STAB2: variants seen among roughly 807,000 people sequenced by gnomAD.
STAB2 encodes the protein stabilin-2.
In STAB2, 288 loss-of-function variants were observed where a neutral mutation model predicts 338.1. The ratio of observed to expected loss-of-function variants is 0.85; its 90% CI spans 0.77 to 0.94. The LOEUF is 0.94. Among genes scored for constraint, STAB2 ranks in the 40% least tolerant of loss-of-function variants. The probability of loss-of-function intolerance (pLI) is 0.00; values close to 1 mark genes in which losing one functional copy is unlikely to be tolerated. For missense variants in STAB2, 3,141 were observed against 3,210.1 expected (o/e 0.98, Z 0.52); for synonymous variants, 1,202 against 1,193.3 (o/e 1.01, Z -0.15).
chr12:103,742,300 T>A lies in STAB2; in HGVS notation c.5882-105T>A, dbSNP rs1230560130. 4 of 1,462,634 alleles carry A rather than the reference T, an allele frequency of 2.7e-6. No homozygotes were observed. The African/African-American group carries it at 4.2e-5, about 15-fold the overall frequency. The allele number at this position is 1,462,634 out of a possible 1,614,324, so 90.6% of individuals were successfully genotyped here. On this transcript the variant is annotated intron_variant, in intron 55 of 68. Transcript: ENST00000388887. Reference sequence around the variant, plus strand: ...TATCCACTGACACTGAAGGCGATGGTCCCTCTGGGCTAACAGAAGTCAGAT... The same window carrying A: ...TATCCACTGACACTGAAGGCGATGGACCCTCTGGGCTAACAGAAGTCAGAT...
intron 36 of STAB2, among the ~76,000 whole-genome samples, chr12:103,705,258 T>C (rs1158152829): frequency 1.3e-5 from 2 of 152,242 alleles, no homozygotes; most frequent in African/African-American, 4.8e-5. Context: ...GCCTTAATCC[T>C]TTCCTGGACC....
intron 14 of STAB2, 60 bp downstream of exon 14, chr12:103,655,367 A>G: frequency 6.2e-7 from 1 of 1,603,414 alleles, no homozygotes; most frequent in Non-Finnish European, 8.5e-7. Flanking sequence ...TAAAATTAGC[A>G]GGGGTGTCAA....
chr12:103,654,970 T>C, intron 13 of STAB2: 1 of 547,666 alleles, frequency 1.8e-6, no homozygotes, highest in Non-Finnish European at 3.1e-6. Flanking sequence ...CCATGACCAA[T>C]CATCATGAAA....
rs145165542 is a variant in STAB2 at position 103,742,466 on chromosome 12, G to A, written c.5943G>A (p.Ser1981=). ...GGGGTGTCTGCCTTGATCAGTACTC[G>A]GCCACCGGAGAGTGTAAATGCAACA... ...NNRGVCLDQY[S]ATGECKCNTG... is the part of the protein sequence containing the mutation. The change falls in exon 56 of 69, where the codon TCG becomes TCA. Residue 1981 remains serine, a synonymous_variant. Transcript: ENST00000388887. The A allele has an allele frequency of 3.5e-5, 56 of 1,613,958 alleles. No individual in the cohort carries two copies. The highest frequency in any genetic ancestry group is 1.2e-4 in the African/African-American group (9 of 74,882).
chr12:103,679,691 G>A (rs1222667328), intron 25 of STAB2, among the ~76,000 whole-genome samples: 1 of 152,106 alleles, frequency 6.6e-6, no homozygotes, highest in African/African-American at 2.4e-5. Flanking sequence ...GTGTAAAATG[G>A]TACAGCTGCT....
chr12:103,667,501 A>G (rs940072583), intron 19 of STAB2, among the ~76,000 whole-genome samples: 1 of 152,228 alleles, frequency 6.6e-6, no homozygotes, highest in Non-Finnish European at 1.5e-5. Context: ...TACATGTTTA[A>G]TCACCATTCT....
chr12:103,763,354 G>GA, intron 67 of STAB2, 138 bp from the exon 68 acceptor site: 1 of 676,156 alleles, frequency 1.5e-6, no homozygotes, highest in Admixed American at 2.3e-5. Flanking sequence ...TATTATATGT[G>GA]AATCATCTCT....
intron 9 of STAB2, among the ~76,000 whole-genome samples, chr12:103,645,864 T>A (rs1246253501): frequency 6.9e-6 from 1 of 144,276 alleles, no homozygotes; most frequent in Non-Finnish European, 1.5e-5. Flanking sequence ...CTCTAGACAT[T>A]GCCAAATGGC....
chr12:103,650,250 T>C (rs1004091357), intron 10 of STAB2, among the ~76,000 whole-genome samples: 2 of 151,962 alleles, frequency 1.3e-5, no homozygotes, highest in Middle Eastern at 3.2e-3. Flanking sequence ...CAGGGTATCT[T>C]TGAAGCTGAG....
At chr12:103,679,680 AG>A (rs1876722391) in intron 25 of STAB2, among the ~76,000 whole-genome samples, 1 of 152,210 alleles carries the variant, frequency 6.6e-6, no homozygotes, top group African/African-American at 2.4e-5. Flanking sequence ...TACTTGTGGA[AG>A]TGTAAAATGG....
rs139925581 is a variant in STAB2 at position 103,648,752 on chromosome 12, G to A, written c.1103G>A (p.Arg368Gln). 5.8e-5 allele frequency: 93 copies of A among 1,614,112 alleles called. No individual in the cohort carries two copies. The highest frequency in any genetic ancestry group is 1.8e-4 in the East Asian group (8 of 44,886). ...GLTCYGNIMERLRELNTEPRG... is the reference protein window; with the variant it reads ...GLTCYGNIMEQLRELNTEPRG... ...ACGTGTTATGGAAACATTATGGAGC[G>A]ACTCAGAGAATTAAATACTGAACCC... The change falls in exon 10 of 69, where the codon CGA (arginine) becomes CAA (glutamine). Residue 368 changes from arginine to glutamine, a missense_variant. Physicochemically the swap from Arg to Gln is conservative, Grantham distance 43 (BLOSUM62 1). Transcript: ENST00000388887.
intron 2 of STAB2, 80 bp downstream of exon 2, chr12:103,591,110 A>G (rs1956791493): frequency 6.3e-7 from 1 of 1,586,002 alleles, no homozygotes; most frequent in Non-Finnish European, 8.6e-7. Flanking sequence ...AAGCATTTCC[A>G]TGACTTTTCT....
chr12:103,737,612 T>A, intron 52 of STAB2, 22 bp from the exon 53 acceptor site: 1 of 1,469,294 alleles, frequency 6.8e-7, no homozygotes, highest in Non-Finnish European at 9.0e-7. Flanking sequence ...TTCTCTTTTT[T>A]TTTTTTTTTT....
intron 33 of STAB2, among the ~76,000 whole-genome samples, chr12:103,696,654 C>G (rs1294898298): frequency 6.6e-6 from 1 of 152,088 alleles, no homozygotes; most frequent in Non-Finnish European, 1.5e-5. Flanking sequence ...TGTTAGGAAT[C>G]AGGGAAAATA....
Position 103,693,177 on chromosome 12 carries a change from G to T in STAB2, c.3375+288G>T, listed in dbSNP as rs146421067. Among the ~76,000 whole-genome samples the T allele has an allele frequency of 9.3e-4, 141 of 152,306 alleles. 1 individual carries two copies. The highest frequency in any genetic ancestry group is 3.2e-3 in the African/African-American group (133 of 41,574). ...ACATCTCAAAAGACACTTGAGGCCA[G>T]GTGCTGTGGCTCACGCCTATAATCC... On this transcript the variant is annotated intron_variant, in intron 31 of 68. Transcript: ENST00000388887.
intron 3 of STAB2, among the ~76,000 whole-genome samples, chr12:103,600,268 T>A (rs565666227): frequency 5.9e-5 from 9 of 152,246 alleles, no homozygotes; most frequent in Admixed American, 5.9e-4. Flanking sequence ...TTCTCATGAT[T>A]GTCTGCCTTT....
Position 103,673,964 on chromosome 12 carries a change from T to C in STAB2, c.2429T>C (p.Leu810Pro). Reference sequence around the variant, plus strand: ...AGGATAGACAGCGATGGGGCCTGCCTCACTGGCACATGCAGAGACGGCTCT... The same window carrying C: ...AGGATAGACAGCGATGGGGCCTGCCCCACTGGCACATGCAGAGACGGCTCT... ...NNRIDSDGAC[L>P]TGTCRDGSAG... The change falls in exon 23 of 69, where the codon CTC becomes CCC. Residue 810 changes from leucine to proline, a missense_variant. Physicochemically the swap from Leu to Pro is moderately conservative, Grantham distance 98. Transcript: ENST00000388887. 1 of 1,614,116 alleles carries C rather than the reference T, an allele frequency of 6.2e-7. No homozygotes were observed. The highest frequency in any genetic ancestry group is 8.5e-7 in the Non-Finnish European group (1 of 1,180,028).
chr12:103,669,748 C>G, intron 21 of STAB2, 121 bp downstream of exon 21: 1 of 816,272 alleles, frequency 1.2e-6, no homozygotes, highest in Non-Finnish European at 2.0e-6. Flanking sequence ...TGACCCCTTA[C>G]TAAAAGAACA....
intron 23 of STAB2, among the ~76,000 whole-genome samples, chr12:103,675,370 G>GA (rs990225887): frequency 3.9e-5 from 6 of 152,278 alleles, no homozygotes; most frequent in Admixed American, 1.3e-4. Context: ...GGTGTTGGGG[G>GA]AAAAAACCTC....
Sources: allele counts gnomAD v4.1 joint callset (sites outside exome capture counted in the v4.1 genomes callset), GRCh38; gene constraint gnomAD v4.1.1; transcripts MANE v1.5; gene names NCBI Gene and HGNC (gene_info 2026-07-23, HGNC 2026-07-21).